ARHGAP42: variants seen among roughly 807,000 people sequenced by gnomAD.
The protein encoded by ARHGAP42 is Rho GTPase activating protein 42.
ARHGAP42 carries 63 observed loss-of-function variants against 125.0 expected under a neutral mutation model. The observed-to-expected ratio is 0.50, with a 90% CI of 0.41 to 0.62. The LOEUF is 0.62. Among genes scored for constraint, ARHGAP42 ranks in the 20% least tolerant of loss-of-function variants. The pLI is 0.00. For missense variants in ARHGAP42, 766 were observed against 1,024.2 expected (o/e 0.75, Z 3.44); for synonymous variants, 339 against 351.0 (o/e 0.97, Z 0.38).
At chr11:100,800,799 G>A (rs1279712640) in intron 3 of ARHGAP42, among the ~76,000 whole-genome samples, 1 of 152,154 alleles carries the variant, frequency 6.6e-6, no homozygotes, top group Non-Finnish European at 1.5e-5. Context: ...ATAGATACAA[G>A]TCTAATGGAA....
At chr11:100,766,218 G>A (rs1565204812) in intron 1 of ARHGAP42, among the ~76,000 whole-genome samples, 1 of 119,750 alleles carries the variant, frequency 8.4e-6, no homozygotes, top group African/African-American at 3.0e-5. Context: ...TGGGAAGGAT[G>A]TGGGGTGTGT....
chr11:100,850,251 T>G (rs1865170773), intron 3 of ARHGAP42, among the ~76,000 whole-genome samples: 1 of 152,202 alleles, frequency 6.6e-6, no homozygotes, highest in South Asian at 2.1e-4. Flanking sequence ...AATTAGAAAA[T>G]ATGAAAATAA....
intron 1 of ARHGAP42, among the ~76,000 whole-genome samples, chr11:100,723,190 T>A (rs1414967099): frequency 6.6e-6 from 1 of 152,188 alleles, no homozygotes; most frequent in African/African-American, 2.4e-5. Flanking sequence ...ACTTTAGATT[T>A]ATGGTGAGTC....
intron 4 of ARHGAP42, among the ~76,000 whole-genome samples, chr11:100,866,567 G>C (rs1865574661): frequency 6.6e-6 from 1 of 152,206 alleles, no homozygotes; most frequent in African/African-American, 2.4e-5. Flanking sequence ...AAACATGGTT[G>C]TGGAGGCCTC....
At chr11:100,903,800 A>G (rs1366772412) in intron 4 of ARHGAP42, among the ~76,000 whole-genome samples, 3 of 144,074 alleles carry the variant, frequency 2.1e-5, no homozygotes, top group South Asian at 2.3e-4. Flanking sequence ...CACGATCACA[A>G]GGTCCCACAA....
intron 3 of ARHGAP42, among the ~76,000 whole-genome samples, chr11:100,831,012 C>T (rs566543329): frequency 6.6e-6 from 1 of 152,224 alleles, no homozygotes; most frequent in African/African-American, 2.4e-5. Context: ...GATAATTTGA[C>T]TCAATTTAAT....
At chr11:100,888,007 A>G (rs1866132470) in intron 4 of ARHGAP42, among the ~76,000 whole-genome samples, 1 of 152,214 alleles carries the variant, frequency 6.6e-6, no homozygotes, top group Non-Finnish European at 1.5e-5. Flanking sequence ...GGAGGTTTCT[A>G]AGAATGCTCT....
chr11:100,903,563 G>A (rs1036751535), intron 4 of ARHGAP42, among the ~76,000 whole-genome samples: 29 of 151,384 alleles, frequency 1.9e-4, no homozygotes, highest in Middle Eastern at 3.4e-3. Context: ...AGAGCCATCA[G>A]CTTCTAGCCA....
chr11:100,787,193 G>A (rs1351974105), intron 2 of ARHGAP42, among the ~76,000 whole-genome samples: 2 of 151,888 alleles, frequency 1.3e-5, no homozygotes, highest in South Asian at 2.1e-4. Flanking sequence ...CAAGAGAATG[G>A]CATGAACCTG....
intron 3 of ARHGAP42, among the ~76,000 whole-genome samples, chr11:100,817,854 A>C (rs1483050629): frequency 6.6e-6 from 1 of 152,178 alleles, no homozygotes; most frequent in East Asian, 1.9e-4. Context: ...TCCATACCCC[A>C]AAAATCCACA....
At chr11:100,884,106 A>G (rs1316214910) in intron 4 of ARHGAP42, among the ~76,000 whole-genome samples, 2 of 152,118 alleles carry the variant, frequency 1.3e-5, no homozygotes, top group Admixed American at 6.5e-5. Flanking sequence ...CTATGTGATT[A>G]TGGCAATGTA....
At chr11:100,962,807 C>T (rs559159691) in intron 16 of ARHGAP42, among the ~76,000 whole-genome samples, 2 of 151,972 alleles carry the variant, frequency 1.3e-5, no homozygotes, top group East Asian at 3.9e-4. Context: ...ACCCAGGAGG[C>T]GGAGGTTATG....
chr11:100,973,029 A>T, intron 17 of ARHGAP42, 146 bp from the exon 18 acceptor site: 1 of 631,004 alleles, frequency 1.6e-6, no homozygotes, highest in Non-Finnish European at 2.6e-6. Flanking sequence ...CCATACTCCA[A>T]ATGCCAATTG....
chr11:100,973,742 A>G (rs1858316101), intron 18 of ARHGAP42, among the ~76,000 whole-genome samples: 1 of 152,210 alleles, frequency 6.6e-6, no homozygotes, highest in Non-Finnish European at 1.5e-5. Flanking sequence ...CTAGTCCCTA[A>G]GAAGGATTTC....
chr11:100,751,371 C>G (rs1181606463), intron 1 of ARHGAP42, among the ~76,000 whole-genome samples: 1 of 151,326 alleles, frequency 6.6e-6, no homozygotes, highest in East Asian at 1.9e-4. Flanking sequence ...CAGCCTCCAC[C>G]TCCTGGGTTC....
At chr11:100,743,411 A>G (rs1565551130) in intron 1 of ARHGAP42, among the ~76,000 whole-genome samples, 1 of 152,194 alleles carries the variant, frequency 6.6e-6, no homozygotes, top group Non-Finnish European at 1.5e-5. Flanking sequence ...TCTGGTTTTT[A>G]AGATTTCTAG....
chr11:100,867,770 T>C (rs1172196600), intron 4 of ARHGAP42, among the ~76,000 whole-genome samples: 1 of 152,258 alleles, frequency 6.6e-6, no homozygotes, highest in African/African-American at 2.4e-5. Context: ...CTGTCAGCTT[T>C]CAACATACCT....
chr11:100,785,821 G>T (rs1379810176), intron 2 of ARHGAP42, among the ~76,000 whole-genome samples: 1 of 152,216 alleles, frequency 6.6e-6, no homozygotes, highest in Non-Finnish European at 1.5e-5. Context: ...TGATAAGCCT[G>T]TTCTTTTCCT....
In ARHGAP42 at chr11:100,990,051, G is replaced by C. The variant is rs948473377; in HGVS notation, c.*1250G>C. On this transcript the variant is annotated 3_prime_UTR_variant, in exon 24 of 24. Transcript: ENST00000298815. Reference sequence around the variant, plus strand: ...TAGAGCATAGTAATAGGTATTTACTGTCCACTTATATATATCAGCATCTGG... The same window carrying C: ...TAGAGCATAGTAATAGGTATTTACTCTCCACTTATATATATCAGCATCTGG... 1 of 152,094 alleles carries C rather than the reference G, an allele frequency of 6.6e-6. No individual in the cohort carries two copies. The highest frequency in any genetic ancestry group is 1.5e-5 in the Non-Finnish European group (1 of 68,028). 9.4% of individuals were successfully genotyped at this position (152,094 alleles called of 1,614,324 possible). A position where few individuals can be genotyped will look rare whatever the true frequency, so the allele number is the denominator to read the frequency against.
Sources: gnomAD v4.1 joint callset for allele counts (sites outside exome capture counted in the v4.1 genomes callset) on GRCh38, gnomAD v4.1.1 for gene constraint, MANE v1.5 for transcripts, NCBI Gene and HGNC (gene_info 2026-07-23, HGNC 2026-07-21) for gene names.